The following MOB2 variants were observed in gnomAD, a reference collection of about 807,000 sequenced individuals.
The protein encoded by MOB2 is MOB kinase activator 2, also known as MOB2 Mps One Binder homolog.
MOB2 carries 14 observed loss-of-function variants against 27.4 expected under a neutral mutation model. The ratio of observed to expected loss-of-function variants is 0.51; its 90% confidence interval spans 0.34 to 0.80. MOB2 has a LOEUF of 0.80. Ranked by LOEUF, MOB2 falls within the 30% of genes least tolerant of loss-of-function variation. The pLI, the probability that MOB2 is intolerant of heterozygous loss-of-function variation, is 0.01. For missense variants in MOB2, 304 were observed against 354.6 expected, an observed-to-expected ratio of 0.86 and a Z score of 1.15; for synonymous variants, 167 against 151.8, an observed-to-expected ratio of 1.10 and a Z score of -0.74.
At chr11:1,485,205 T>C (rs1847957483) in intron 1 of MOB2, among the ~76,000 whole-genome samples, 1 of 152,200 alleles carries the variant, frequency 6.6e-6, no homozygotes, top group Non-Finnish European at 1.5e-5. Flanking sequence ...CCGTCTTCCT[T>C]AGGGCCTGGC....
chr11:1,478,239 C>T (rs887334154), intron 3 of MOB2, among the ~76,000 whole-genome samples: 6 of 152,234 alleles, frequency 3.9e-5, no homozygotes, highest in Non-Finnish European at 7.3e-5. Context: ...ACAGGCCCCA[C>T]GGCCGCCCTG....
chr11:1,486,645 C>G lies in MOB2; in HGVS notation c.-89G>C, dbSNP rs1316168262. 3.5e-6 allele frequency: 3 copies of G among 868,142 alleles called. No homozygotes were observed. The African/African-American group carries it at 5.0e-5, about 14-fold the overall frequency. 53.8% of individuals were successfully genotyped at this position (868,142 alleles called of 1,614,324 possible). ...AATGCCTGCTGCCGGGCCCTCCAGC[C>G]TCACTCCCTGGCCAATGGGACGCCT... On this transcript the variant is annotated 5_prime_UTR_variant, in exon 1 of 5. Transcript: ENST00000329957.
intron 3 of MOB2, among the ~76,000 whole-genome samples, chr11:1,475,824 AAAG>A (rs1847846964): frequency 6.6e-6 from 1 of 152,212 alleles, no homozygotes; most frequent in South Asian, 2.1e-4. Context: ...ACAATTTCAT[AAAG>A]AAGAGATTTG....
chr11:1,480,672 T>C (rs1050669172), intron 2 of MOB2, 53 bp downstream of exon 2: 1 of 1,581,688 alleles, frequency 6.3e-7, no homozygotes, highest in Non-Finnish European at 8.6e-7. Flanking sequence ...GAGGAGGGGC[T>C]TCGAGGAGGA....
At chr11:1,470,605 C>G in intron 4 of MOB2, 117 bp from the exon 5 acceptor site, 1 of 1,177,754 alleles carries the variant, frequency 8.5e-7, no homozygotes, top group East Asian at 2.6e-5. Flanking sequence ...GACCCTGCCA[C>G]CCTCAGGGCC....
At chr11:1,475,345 T>TC (rs565445504) in intron 3 of MOB2, among the ~76,000 whole-genome samples, 8 of 151,740 alleles carry the variant, frequency 5.3e-5, no homozygotes, top group African/African-American at 1.5e-4. Context: ...GATACAGCAA[T>TC]CCCCCCCATC....
In MOB2 at chr11:1,470,227, C is replaced by G. The variant is rs1847767688; in HGVS notation, c.752G>C (p.Gly251Ala). Residue 251 changes from glycine (G) to alanine (A), a missense_variant, in exon 5 of 5, where the codon GGG becomes GCG. Coordinates refer to ENST00000329957, the MANE Select transcript of MOB2 (RefSeq NM_001172223.3). ...CGGGCCCCCGCTGCCGGCCCCATCCCCACTGCCCCCACTGTGGACCCCGCC... is the reference window on the plus strand; with the variant it reads ...CGGGCCCCCGCTGCCGGCCCCATCCGCACTGCCCCCACTGTGGACCCCGCC... ...GAGGVHSGGS[G>A]DGAGSGGPGA... 6.2e-7 allele frequency: 1 copy of G among 1,612,300 alleles called. No individual in the cohort carries two copies. The highest frequency in any genetic ancestry group is 8.5e-7 in the Non-Finnish European group (1 of 1,179,816).
At position 1,469,896 on chromosome 11, in the gene MOB2, G is replaced by GA. The variant is rs1309846882; in HGVS notation, c.*275dup. On this transcript the variant is annotated 3_prime_UTR_variant, in exon 5 of 5. Coordinates refer to ENST00000329957, the MANE Select transcript of MOB2 (RefSeq NM_001172223.3). ...CCAGAGAAAGGAAAACCCCACAGAA[G>GA]AAAACTCAAAGCATCAGTCCCATGC... is the stretch of plus-strand genomic sequence containing the variant. 1.3e-5 allele frequency: 10 copies of GA among 760,018 alleles called. No homozygotes were observed. The highest frequency in any genetic ancestry group is 2.0e-5 in the Admixed American group (1 of 49,038). 47.1% of individuals were successfully genotyped at this position (760,018 alleles called of 1,614,324 possible). A position where few individuals can be genotyped will look rare whatever the true frequency, so the allele number is the denominator to read the frequency against.
intron 3 of MOB2, among the ~76,000 whole-genome samples, chr11:1,479,255 C>T (rs1288801359): frequency 6.6e-6 from 1 of 152,220 alleles, no homozygotes; most frequent in Admixed American, 6.5e-5. Context: ...GGCTCCAGAG[C>T]CACAGTGGAC....
chr11:1,481,234 G>A, intron 1 of MOB2: 1 of 377,148 alleles, frequency 2.7e-6, no homozygotes, highest in Non-Finnish European at 5.1e-6. Context: ...CAGTTTTCCA[G>A]TGCTCTTGGA....
rs911817508 is a variant in MOB2, at chr11:1,486,597, G to A, written c.-41C>T. 9.2e-6 allele frequency: 13 copies of A among 1,416,344 alleles called. No individual in the cohort carries two copies. The highest frequency in any genetic ancestry group is 2.0e-5 in the Admixed American group (1 of 50,602). The allele number at this position is 1,416,344 out of a possible 1,614,324, so 87.7% of individuals were successfully genotyped here. ...AGGTGGGGAGGAGAAGCGGGGCGGG[G>A]TGCCGGCTGGCCAGCACTCGCAAAT... On this transcript the variant is annotated 5_prime_UTR_variant, in exon 1 of 5. Coordinates refer to ENST00000329957, the MANE Select transcript of MOB2 (RefSeq NM_001172223.3).
rs1272562432 is a variant in MOB2, at chr11:1,481,952, C to T, written c.111-1067G>A. 5.9e-5 allele frequency among the ~76,000 whole-genome samples: 9 copies of T among 152,218 alleles called. No homozygotes were observed. In the South Asian group the frequency reaches 1.5e-3, roughly 25 times the overall value. On this transcript the variant is annotated intron_variant, in intron 1 of 4. Transcript: ENST00000329957. ...AGCTTCCGTGTAGCCTGCAGCCCCTCGCCCCAGCACAGCGAGGCACCCAGA... is the reference window on the plus strand; with the variant it reads ...AGCTTCCGTGTAGCCTGCAGCCCCTTGCCCCAGCACAGCGAGGCACCCAGA...
rs1564906978 is a variant in MOB2, at chr11:1,469,592, G to A, written c.*580C>T. ...CTTGCCTGAGGACTGCACCATGGGT[G>A]TTCCTTGGGCATGGAGGAGGCAGCA... On this transcript the variant is annotated 3_prime_UTR_variant, in exon 5 of 5. Transcript: ENST00000329957. 2 of 456,872 alleles carry A rather than the reference G, an allele frequency of 4.4e-6. No homozygotes were observed. Among genetic ancestry groups the A allele is most frequent in the East Asian group, 6.9e-5 (1 of 14,390 alleles). 28.3% of individuals were successfully genotyped at this position (456,872 alleles called of 1,614,324 possible).
chr11:1,483,724 C>T (rs968934804), intron 1 of MOB2, among the ~76,000 whole-genome samples: 1 of 152,250 alleles, frequency 6.6e-6, no homozygotes, highest in Non-Finnish European at 1.5e-5. Context: ...TCAAATGCCA[C>T]CCTCCCCATT....
chr11:1,469,637 G>T lies in MOB2; in HGVS notation c.*535C>A. ...GCAGCAGGAAGGGGTGACAGGAGCA[G>T]GAGCAGGTGCAGGGCACCTCACACC... On this transcript the variant is annotated 3_prime_UTR_variant, in exon 5 of 5. Coordinates refer to ENST00000329957, the MANE Select transcript of MOB2 (RefSeq NM_001172223.3). The T allele has an allele frequency of 2.2e-6, 1 of 457,102 alleles. No homozygotes were observed. Among genetic ancestry groups the T allele is most frequent in the Non-Finnish European group, 4.4e-6 (1 of 227,264 alleles). The allele number at this position is 457,102 out of a possible 1,614,324, so 28.3% of individuals were successfully genotyped here. A position where few individuals can be genotyped will look rare whatever the true frequency, so the allele number is the denominator to read the frequency against.
intron 1 of MOB2, among the ~76,000 whole-genome samples, chr11:1,485,311 C>T (rs933272257): frequency 1.3e-5 from 2 of 152,238 alleles, no homozygotes; most frequent in African/African-American, 4.8e-5. Flanking sequence ...CACACACACA[C>T]ACGCCAGTCC....
intron 1 of MOB2, 131 bp from the exon 2 acceptor site, chr11:1,481,016 G>A: frequency 1.7e-6 from 2 of 1,155,578 alleles, no homozygotes; most frequent in Admixed American, 2.3e-5. Flanking sequence ...CTGCCTCCCT[G>A]CCAGGCTCAA....
In MOB2 at chr11:1,469,467, G is replaced by T. The variant is rs768496821; in HGVS notation, c.*705C>A. 3.0e-5 allele frequency: 13 copies of T among 432,214 alleles called. No individual in the cohort carries two copies. Among genetic ancestry groups the T allele is most frequent in the Non-Finnish European group, 6.2e-5 (13 of 210,892 alleles). The allele number at this position is 432,214 out of a possible 1,614,324, so 26.8% of individuals were successfully genotyped here. A position where few individuals can be genotyped will look rare whatever the true frequency, so the allele number is the denominator to read the frequency against. ...GACGTACACAGGCTCTGACCTGAGA[G>T]AATTCTTTTTATTACGAGTGAACAG... On this transcript the variant is annotated 3_prime_UTR_variant, in exon 5 of 5. Transcript: ENST00000329957.
In MOB2 at chr11:1,480,827, G is replaced by C. The variant is rs1426473923; in HGVS notation, c.169C>G (p.Leu57Val). The change falls in exon 2 of 5, where the codon CTG becomes GTG. Residue 57 changes from leucine to valine, a missense_variant. Leu to Val is a conservative substitution (Grantham distance 32). Coordinates refer to ENST00000329957, the MANE Select transcript of MOB2 (RefSeq NM_001172223.3). Reference sequence around the variant, plus strand: ...CTGGCCTTGGTGTGCTCAGGCTCCAGGTAGGCCTTCCTCTCCTCCGCAGCG... The same window carrying C: ...CTGGCCTTGGTGTGCTCAGGCTCCACGTAGGCCTTCCTCTCCTCCGCAGCG... ...KPAAEERKAY[L>V]EPEHTKARIT... 6.3e-7 allele frequency: 1 copy of C among 1,581,708 alleles called. No individual in the cohort carries two copies. The highest frequency in any genetic ancestry group is 1.8e-5 in the Admixed American group (1 of 55,164).
Sources: allele counts gnomAD v4.1 joint callset (sites outside exome capture counted in the v4.1 genomes callset), GRCh38; gene constraint gnomAD v4.1.1; transcripts MANE v1.5; gene names NCBI Gene and HGNC (gene_info 2026-07-23, HGNC 2026-07-21).